Variants in NRXN1 observed in about 807,000 individuals in gnomAD.
NRXN1 encodes neurexin-1.
Under a neutral mutation model 150.9 loss-of-function variants are expected in NRXN1, and 39 were observed. The ratio of observed to expected loss-of-function variants is 0.26; its 90% CI spans 0.20 to 0.34. The LOEUF (loss-of-function observed/expected upper bound fraction) is 0.34, where lower values mean the gene tolerates loss of function less well. NRXN1 is among the 10% of genes least tolerant of loss of function. The pLI, the probability that NRXN1 is intolerant of heterozygous loss-of-function variation, is 1.00. For missense variants in NRXN1, 1,815 were observed against 1,949.9 expected (o/e 0.93, Z 1.30); for synonymous variants, 924 against 757.0 (o/e 1.22, Z -3.62).
chr2:50,631,343 A>G, intron 5 of NRXN1: 1 of 276,656 alleles, frequency 3.6e-6, no homozygotes, highest in Non-Finnish European at 7.0e-6. Context: ...AAGGAGACCC[A>G]GGACTCTTGA....
intron 5 of NRXN1, chr2:50,829,738 A>G: frequency 6.3e-7 from 1 of 1,584,830 alleles, no homozygotes; most frequent in African/African-American, 1.3e-5. Flanking sequence ...GCAGCGCCCA[A>G]GGTTGCACGG....
chr2:51,000,305 T>A (rs190791335), intron 2 of NRXN1, among the ~76,000 whole-genome samples: 18 of 152,148 alleles, frequency 1.2e-4, no homozygotes, highest in Admixed American at 4.6e-4. Context: ...ATTTTCTTTA[T>A]AGAGCTTGCC....
intron 5 of NRXN1, among the ~76,000 whole-genome samples, chr2:50,696,914 C>G (rs1305959940): frequency 6.6e-6 from 1 of 152,154 alleles, no homozygotes; most frequent in African/African-American, 2.4e-5. Context: ...AAGCCTGATA[C>G]ATAAATTCTT....
intron 5 of NRXN1, among the ~76,000 whole-genome samples, chr2:50,664,491 C>A (rs1687749397): frequency 7.0e-6 from 1 of 143,270 alleles, no homozygotes; most frequent in Admixed American, 7.1e-5. Context: ...TTTTTCTCTA[C>A]ATTGATGATT....
At chr2:50,145,846 A>G (rs1315088303) in intron 18 of NRXN1, among the ~76,000 whole-genome samples, 1 of 151,660 alleles carries the variant, frequency 6.6e-6, no homozygotes, top group Non-Finnish European at 1.5e-5. Context: ...CATGCATTTG[A>G]CAGCTCAATT....
intron 18 of NRXN1, among the ~76,000 whole-genome samples, chr2:50,179,368 T>A (rs1184373148): frequency 6.6e-6 from 1 of 152,166 alleles, no homozygotes; most frequent in Admixed American, 6.6e-5. Context: ...ACTGCTTTTG[T>A]TTAATTACTT....
intron 5 of NRXN1, among the ~76,000 whole-genome samples, chr2:50,755,284 C>T (rs1028012844): frequency 4.6e-5 from 7 of 151,802 alleles, no homozygotes; most frequent in African/African-American, 1.7e-4. Context: ...AGTCAGTAAC[C>T]TCTCAGAGTC....
chr2:49,992,577 A>G (rs1236345967), intron 21 of NRXN1, among the ~76,000 whole-genome samples: 1 of 152,032 alleles, frequency 6.6e-6, no homozygotes, highest in Non-Finnish European at 1.5e-5. Context: ...AACAAAAACA[A>G]ACAAAACAAC....
chr2:50,594,258 T>C (rs1045746320), intron 8 of NRXN1, among the ~76,000 whole-genome samples: 1 of 152,238 alleles, frequency 6.6e-6, no homozygotes, highest in African/African-American at 2.4e-5. Context: ...GGAAAATGTA[T>C]ATTTGCATTT....
chr2:50,998,639 A>C (rs1699631791), intron 2 of NRXN1, among the ~76,000 whole-genome samples: 1 of 152,050 alleles, frequency 6.6e-6, no homozygotes, highest in African/African-American at 2.4e-5. Context: ...ACACATATTT[A>C]AATGCTCCAT....
intron 5 of NRXN1, among the ~76,000 whole-genome samples, chr2:50,753,694 G>T (rs1047367846): frequency 6.6e-6 from 1 of 151,728 alleles, no homozygotes; most frequent in South Asian, 2.1e-4. Flanking sequence ...TACCAGAAAA[G>T]GTTTAAGTAG....
chr2:50,750,169 T>C (rs1700433246), intron 5 of NRXN1, among the ~76,000 whole-genome samples: 1 of 151,964 alleles, frequency 6.6e-6, no homozygotes, highest in African/African-American at 2.4e-5. Context: ...TAATGGATGA[T>C]AACGACAGGA....
At chr2:50,637,243 C>A (rs913877723) in intron 5 of NRXN1, among the ~76,000 whole-genome samples, 7 of 152,150 alleles carry the variant, frequency 4.6e-5, no homozygotes, top group Middle Eastern at 3.2e-3. Flanking sequence ...TCTTCCATAA[C>A]TTCCCGTTAC....
At chr2:50,610,427 C>T (rs1019042159) in intron 8 of NRXN1, among the ~76,000 whole-genome samples, 1 of 151,212 alleles carries the variant, frequency 6.6e-6, no homozygotes, top group East Asian at 2.0e-4. Context: ...TACTTGATTA[C>T]CTTGTCTTTG....
At chr2:50,949,612 C>T (rs998523160) in intron 2 of NRXN1, among the ~76,000 whole-genome samples, 1 of 152,036 alleles carries the variant, frequency 6.6e-6, no homozygotes, top group Non-Finnish European at 1.5e-5. Context: ...CATGGTACCA[C>T]GTTTCTGAGC....
At chr2:50,912,962 G>C (rs984349532) in intron 5 of NRXN1, 7 of 151,646 alleles carry the variant, frequency 4.6e-5, no homozygotes, top group African/African-American at 1.7e-4. Flanking sequence ...AAATCCAACT[G>C]CTCTTTAAGA....
chr2:50,610,557 C>A (rs1432549607), intron 8 of NRXN1, among the ~76,000 whole-genome samples: 1 of 147,638 alleles, frequency 6.8e-6, no homozygotes, highest in East Asian at 2.0e-4. Flanking sequence ...GCCCAACTCT[C>A]TCTCCAGATT....
intron 2 of NRXN1, among the ~76,000 whole-genome samples, chr2:50,990,325 T>G (rs899987131): frequency 6.6e-6 from 1 of 152,186 alleles, no homozygotes; most frequent in East Asian, 1.9e-4. Flanking sequence ...AGGTAAAAAC[T>G]TACTTAAATT....
intron 2 of NRXN1, among the ~76,000 whole-genome samples, chr2:50,933,462 T>G (rs1295374075): frequency 6.6e-6 from 1 of 152,144 alleles, no homozygotes; most frequent in African/African-American, 2.4e-5. Context: ...ATAATTCTTT[T>G]GCAGGAAGAA....
Sources: gnomAD v4.1 joint callset for allele counts (sites outside exome capture counted in the v4.1 genomes callset) on GRCh38, gnomAD v4.1.1 for gene constraint, MANE v1.5 for transcripts, NCBI Gene and HGNC (gene_info 2026-07-23, HGNC 2026-07-21) for gene names.